The following C2CD3 variants were observed in gnomAD, a reference collection of about 807,000 sequenced individuals.
The protein encoded by C2CD3 is C2 domain containing 3 centriole elongation regulator, also known as C2 domain-containing protein 3.
Under a neutral mutation model 234.0 loss-of-function variants are expected in C2CD3, and 148 were observed. The observed-to-expected ratio is 0.63, with a 90% CI of 0.55 to 0.72. C2CD3 has a LOEUF of 0.72. C2CD3 is among the 30% of genes least tolerant of loss of function. C2CD3 has a pLI of 0.00. For synonymous variants in C2CD3, 1,000 were observed against 1,035.4 expected (o/e 0.97, Z 0.66); for missense variants, 2,577 against 2,811.5 (o/e 0.92, Z 1.89).
intron 7 of C2CD3, among the ~76,000 whole-genome samples, chr11:74,127,862 A>G (rs1590882824): frequency 6.8e-6 from 1 of 148,114 alleles, no homozygotes; most frequent in Non-Finnish European, 1.5e-5. Flanking sequence ...TCATGTGTAT[A>G]TTGGCTTTTT....
intron 8 of C2CD3, among the ~76,000 whole-genome samples, chr11:74,118,800 G>A (rs180970409): frequency 1.4e-3 from 218 of 152,186 alleles, no homozygotes; most frequent in Middle Eastern, 0.014. Context: ...ATGATCCATA[G>A]CTGTAAAGCC....
intron 3 of C2CD3, among the ~76,000 whole-genome samples, chr11:74,154,913 G>C (rs181234498): frequency 2.6e-5 from 4 of 152,262 alleles, no homozygotes; most frequent in Admixed American, 2.6e-4. Context: ...CATTAGAATG[G>C]CAAAAATTTA....
chr11:74,105,323 T>C (rs1002021840), intron 13 of C2CD3, among the ~76,000 whole-genome samples: 3 of 151,970 alleles, frequency 2.0e-5, no homozygotes, highest in Non-Finnish European at 4.4e-5. Flanking sequence ...CAGGCTGGAG[T>C]GCAATGGTGC....
At chr11:74,149,808 G>A (rs1855475496) in intron 3 of C2CD3, among the ~76,000 whole-genome samples, 1 of 152,034 alleles carries the variant, frequency 6.6e-6, no homozygotes, top group African/African-American at 2.4e-5. Flanking sequence ...TCCCTCAGCT[G>A]CTTTGTCAGG....
At chr11:74,073,432 C>A (rs1395284369) in intron 24 of C2CD3, among the ~76,000 whole-genome samples, 2 of 151,714 alleles carry the variant, frequency 1.3e-5, no homozygotes, top group African/African-American at 2.4e-5. Context: ...ACTAAAAATA[C>A]AAAAATTAGC....
chr11:74,045,307 T>G (rs967359382), intron 28 of C2CD3, among the ~76,000 whole-genome samples: 10 of 152,216 alleles, frequency 6.6e-5, no homozygotes, highest in African/African-American at 2.4e-5. Flanking sequence ...CTGTTTTGCT[T>G]ACAGTAGCAT....
At chr11:74,025,296 G>A (rs541198282) in intron 32 of C2CD3, among the ~76,000 whole-genome samples, 2 of 152,204 alleles carry the variant, frequency 1.3e-5, no homozygotes, top group African/African-American at 2.4e-5. Flanking sequence ...ATAGAGTTGT[G>A]AGTGCGAAGT....
intron 13 of C2CD3, among the ~76,000 whole-genome samples, chr11:74,104,236 A>G (rs1426855830): frequency 6.6e-6 from 1 of 152,224 alleles, no homozygotes; most frequent in Admixed American, 6.5e-5. Context: ...ACTGTTCCTG[A>G]CTAAAGGAGA....
chr11:74,026,445 ATC>A (rs1286238012), intron 32 of C2CD3, among the ~76,000 whole-genome samples: 2 of 152,228 alleles, frequency 1.3e-5, no homozygotes, highest in Non-Finnish European at 2.9e-5. Context: ...AGGATCAGGC[ATC>A]TGATGCTTCT....
At chr11:74,108,561 A>C (rs576099858) in intron 12 of C2CD3, among the ~76,000 whole-genome samples, 2 of 152,334 alleles carry the variant, frequency 1.3e-5, no homozygotes, top group South Asian at 4.1e-4. Flanking sequence ...TTCTGCCTGC[A>C]AACAGGAAGT....
rs1952601344 is a variant in C2CD3 at position 74,033,447 on chromosome 11, C to A, written c.6713G>T (p.Arg2238Met). 1 of 1,536,054 alleles carries A rather than the reference C, an allele frequency of 6.5e-7. No individual in the cohort carries two copies. Among genetic ancestry groups the A allele is most frequent in the Non-Finnish European group, 8.7e-7 (1 of 1,146,930 alleles). ...GATGGGTGGTCCCTTATGGTTTTCC[C>A]TTCTGCTCTGGGAGGCTAGATTTAG... The part of the protein sequence containing the change: ...LPLNLASQSR[R>M]ENHKGPPIDS... Residue 2238 changes from arginine (R) to methionine (M), a missense_variant, in exon 31 of 33, where the codon AGG (arginine) becomes ATG (methionine). Transcript: ENST00000334126.
intron 9 of C2CD3, among the ~76,000 whole-genome samples, chr11:74,116,748 GGATA>G (rs1237234538): frequency 6.7e-6 from 1 of 148,976 alleles, no homozygotes; most frequent in Non-Finnish European, 1.5e-5. Flanking sequence ...ATCAATGAAT[GGATA>G]AAGAAATTGT....
intron 23 of C2CD3, among the ~76,000 whole-genome samples, chr11:74,074,946 T>C (rs1954967502): frequency 6.6e-6 from 1 of 151,966 alleles, no homozygotes; most frequent in Non-Finnish European, 1.5e-5. Context: ...TAGCTGAGCA[T>C]GGTGGTGTGT....
chr11:74,081,350 C>G (rs893433767), intron 22 of C2CD3, among the ~76,000 whole-genome samples: 1 of 152,012 alleles, frequency 6.6e-6, no homozygotes, highest in Non-Finnish European at 1.5e-5. Flanking sequence ...GGCATTTATC[C>G]CATGTCCTTA....
chr11:74,043,551 GA>G (rs1436633708), intron 28 of C2CD3, among the ~76,000 whole-genome samples: 1 of 152,104 alleles, frequency 6.6e-6, no homozygotes, highest in Admixed American at 6.5e-5. Flanking sequence ...GGAACTTCCA[GA>G]TTATTTTCCA....
chr11:74,103,111 T>C lies in C2CD3; in HGVS notation c.2580+20A>G, dbSNP rs372076554. The C allele has an allele frequency of 2.7e-4, 426 of 1,595,746 alleles. 2 individuals are homozygous for C. The East Asian group carries it at 8.0e-3, about 30-fold the overall frequency. On this transcript the variant is annotated intron_variant, in intron 14 of 32. Coordinates refer to ENST00000334126, the MANE Select transcript of C2CD3 (RefSeq NM_001286577.2). ...CTCACCCCTATATTCCTCTAATGGATATGGAATGTACAAAGTTACCTGAGA... is the reference window on the plus strand; with the variant it reads ...CTCACCCCTATATTCCTCTAATGGACATGGAATGTACAAAGTTACCTGAGA...
At chr11:74,157,182 T>C (rs780156065) in intron 3 of C2CD3, among the ~76,000 whole-genome samples, 1 of 152,258 alleles carries the variant, frequency 6.6e-6, no homozygotes, top group Non-Finnish European at 1.5e-5. Flanking sequence ...ACAAATAGAC[T>C]ATAACTTTAA....
intron 14 of C2CD3, 83 bp downstream of exon 14, chr11:74,103,048 G>T (rs1446219253): frequency 1.2e-5 from 17 of 1,365,102 alleles, no homozygotes; most frequent in Non-Finnish European, 1.5e-5. Context: ...GAACATTCTA[G>T]ATTTAAGACG....
chr11:74,107,322 T>TCTCTCACACACACACACACA (rs948551188), intron 12 of C2CD3, among the ~76,000 whole-genome samples: 1 of 146,526 alleles, frequency 6.8e-6, no homozygotes, highest in African/African-American at 2.5e-5. Flanking sequence ...TGAAACTGTG[T>TCTCTCACACACACACACACA]CACACACACA....
Sources: allele counts gnomAD v4.1 joint callset (sites outside exome capture counted in the v4.1 genomes callset), GRCh38; gene constraint gnomAD v4.1.1; transcripts MANE v1.5; gene names NCBI Gene and HGNC (gene_info 2026-07-23, HGNC 2026-07-21).